Variants in MLANA observed in about 807,000 individuals in gnomAD.
MLANA encodes the protein melanoma antigen recognized by T-cells 1.
Under a neutral mutation model 15.7 loss-of-function variants are expected in MLANA, and 21 were observed. The ratio of observed to expected loss-of-function variants is 1.33; its 90% CI spans 0.95 to 1.92. The LOEUF is 1.92. Ranked by LOEUF, MLANA falls within the 40% of genes most tolerant of loss-of-function variation. MLANA has a pLI of 0.00. For missense variants in MLANA, 164 were observed against 143.8 expected (o/e 1.14, Z -0.72); for synonymous variants, 56 against 51.5 (o/e 1.09, Z -0.37).
intron 3 of MLANA, chr9:5,898,270 A>T (rs1268951040): frequency 6.6e-6 from 1 of 152,640 alleles, no homozygotes; most frequent in Admixed American, 6.5e-5. Context: ...GCTGGTCTCA[A>T]ACTCCTGGGC....
Position 5,897,660 on chromosome 9 carries a change from A to C in MLANA, c.174+7A>C, listed in dbSNP as rs778138395. ...TGGATACAGAGCCTTGATGGTTGGTAAAGTTCCCACTGCTGAAATCCCTCC... is the reference window on the plus strand; with the variant it reads ...TGGATACAGAGCCTTGATGGTTGGTCAAGTTCCCACTGCTGAAATCCCTCC... On this transcript the variant is annotated splice_region_variant and intron_variant, in intron 3 of 4. Coordinates refer to ENST00000381477, the MANE Select transcript of MLANA (RefSeq NM_005511.2). The C allele has an allele frequency of 6.2e-7, 1 of 1,611,502 alleles. No homozygotes were observed. Among genetic ancestry groups the C allele is most frequent in the East Asian group, 2.2e-5 (1 of 44,874 alleles).
chr9:5,904,974 T>C (rs1001755162), intron 3 of MLANA, among the ~76,000 whole-genome samples: 1 of 151,978 alleles, frequency 6.6e-6, no homozygotes, highest in Non-Finnish European at 1.5e-5. Context: ...GTCATTTCAC[T>C]GTGTTAGCCA....
intron 4 of MLANA, among the ~76,000 whole-genome samples, chr9:5,908,433 C>T (rs748710221): frequency 6.6e-6 from 1 of 152,164 alleles, no homozygotes; most frequent in African/African-American, 2.4e-5. Context: ...CTCCTTAACC[C>T]TATTTTTCTC....
At chr9:5,907,108 C>A in intron 4 of MLANA, 110 bp downstream of exon 4, 1 of 665,692 alleles carries the variant, frequency 1.5e-6, no homozygotes, top group Non-Finnish European at 2.4e-6. Flanking sequence ...TACTCATTGC[C>A]ACTGAACTAT....
At chr9:5,906,118 A>C (rs1832786337) in intron 3 of MLANA, among the ~76,000 whole-genome samples, 1 of 151,908 alleles carries the variant, frequency 6.6e-6, no homozygotes, top group Non-Finnish European at 1.5e-5. Flanking sequence ...TCAGAGGCTG[A>C]GGCAGGAGGA....
intron 3 of MLANA, among the ~76,000 whole-genome samples, chr9:5,901,762 T>A (rs1832444721): frequency 6.6e-6 from 1 of 152,162 alleles, no homozygotes; most frequent in African/African-American, 2.4e-5. Context: ...GCACAAGCAA[T>A]CCACCTGCCT....
intron 3 of MLANA, among the ~76,000 whole-genome samples, chr9:5,902,302 T>C (rs1832486984): frequency 6.6e-6 from 1 of 152,224 alleles, no homozygotes; most frequent in Admixed American, 6.5e-5. Context: ...GTTCATAGTA[T>C]TCCTTGCTTA....
chr9:5,907,966 A>T (rs1832924744), intron 4 of MLANA, among the ~76,000 whole-genome samples: 1 of 152,096 alleles, frequency 6.6e-6, no homozygotes, highest in South Asian at 2.1e-4. Context: ...AAATAAATAA[A>T]TAAAATAAAA....
chr9:5,906,086 G>A (rs958228464), intron 3 of MLANA, among the ~76,000 whole-genome samples: 2 of 151,874 alleles, frequency 1.3e-5, no homozygotes, highest in Admixed American at 1.3e-4. Flanking sequence ...GTGCAGTGGT[G>A]CATGCCTATA....
rs1359811580 is a variant in MLANA at position 5,894,542 on chromosome 9, G to T, written c.77+1991G>T. On this transcript the variant is annotated intron_variant, in intron 2 of 4. Transcript: ENST00000381477. The surrounding 1 kb of genome is among the most constrained non-coding windows in gnomAD (Gnocchi z 4.0). ...GAGAGATTTTTGTTTGGCTGGTTCT[G>T]GTGTCTCAAGAGCTTAGAAGTGAGG... Among the ~76,000 whole-genome samples the T allele has an allele frequency of 6.6e-6, 1 of 152,134 alleles. No homozygotes were observed. The highest frequency in any genetic ancestry group is 6.6e-5 in the Admixed American group (1 of 15,266).
chr9:5,906,823 TTTTC>T (rs1295706502), intron 3 of MLANA, 58 bp from the exon 4 acceptor site: 2 of 1,154,264 alleles, frequency 1.7e-6, no homozygotes, highest in Non-Finnish European at 2.4e-6. Context: ...CTTCCTTCTC[TTTTC>T]TTTAATGGAT....
chr9:5,901,340 G>C (rs1336969758), intron 3 of MLANA, among the ~76,000 whole-genome samples: 1 of 152,106 alleles, frequency 6.6e-6, no homozygotes, highest in Non-Finnish European at 1.5e-5. Context: ...GTTAACTGTT[G>C]ATTTTTTGTA....
At chr9:5,900,622 A>C (rs1832350203) in intron 3 of MLANA, among the ~76,000 whole-genome samples, 1 of 152,188 alleles carries the variant, frequency 6.6e-6, no homozygotes, top group Non-Finnish European at 1.5e-5. Context: ...AATCTTCATT[A>C]AGCTTGAAAT....
At chr9:5,896,143 G>C (rs1235137231) in intron 2 of MLANA, among the ~76,000 whole-genome samples, 2 of 152,200 alleles carry the variant, frequency 1.3e-5, no homozygotes, top group Non-Finnish European at 2.9e-5. Context: ...GTGAATGTTG[G>C]TTCTGCCACT....
At chr9:5,891,274 G>C (rs1286763285) in intron 1 of MLANA, 1 of 152,218 alleles carries the variant, frequency 6.6e-6, no homozygotes, top group Non-Finnish European at 1.5e-5. Context: ...TGCTGTTGCT[G>C]CACCATTTGC....
intron 3 of MLANA, 92 bp from the exon 4 acceptor site, chr9:5,906,793 A>T: frequency 1.3e-6 from 1 of 748,866 alleles, no homozygotes; most frequent in Non-Finnish European, 2.1e-6. Context: ...CTAGATTAAA[A>T]CTCATTCTTA....
rs115100495 is a variant in MLANA at position 5,901,590 on chromosome 9, C to T, written c.174+3937C>T. Reference sequence around the variant, plus strand: ...CTGGAGTGCAGTGGCTCAATCTCAGCTTACTGTAACCTTCACCTCCCAGGC... The same window carrying T: ...CTGGAGTGCAGTGGCTCAATCTCAGTTTACTGTAACCTTCACCTCCCAGGC... On this transcript the variant is annotated intron_variant, in intron 3 of 4. Coordinates refer to ENST00000381477, the MANE Select transcript of MLANA (RefSeq NM_005511.2). Among the ~76,000 whole-genome samples the T allele has an allele frequency of 9.2e-3, 1,397 of 152,200 alleles. 17 individuals carry two copies. Among genetic ancestry groups the T allele is most frequent in the African/African-American group, 0.032 (1,337 of 41,506 alleles).
intron 2 of MLANA, among the ~76,000 whole-genome samples, chr9:5,895,454 G>T (rs533357087): frequency 1.3e-5 from 2 of 151,870 alleles, no homozygotes; most frequent in African/African-American, 4.8e-5. Flanking sequence ...TTAAAACAAT[G>T]CATCCCTAAG....
chr9:5,895,839 CT>C (rs1831979405), intron 2 of MLANA, among the ~76,000 whole-genome samples: 2 of 152,230 alleles, frequency 1.3e-5, no homozygotes, highest in African/African-American at 4.8e-5. Flanking sequence ...TACCCTGGTG[CT>C]TTTCGCTCTC....
Sources: gnomAD v4.1 joint callset for allele counts (sites outside exome capture counted in the v4.1 genomes callset) on GRCh38, gnomAD v4.1.1 for gene constraint, Gnocchi (gnomAD v3.1) non-coding constraint, MANE v1.5 for transcripts, NCBI Gene and HGNC (gene_info 2026-07-23, HGNC 2026-07-21) for gene names.